ATG4B: variants seen among roughly 807,000 people sequenced by gnomAD.
ATG4B encodes the protein autophagy related 4B cysteine peptidase.
A neutral mutation model predicts 56.6 loss-of-function variants in ATG4B; 29 were observed. That is an observed-to-expected ratio of 0.51 (90% CI 0.38 to 0.70). The LOEUF is 0.70. Among genes scored for constraint, ATG4B ranks in the 30% least tolerant of loss-of-function variants. The probability of loss-of-function intolerance (pLI) is 0.00; values close to 1 mark genes in which losing one functional copy is unlikely to be tolerated. For synonymous variants in ATG4B, 224 were observed against 206.1 expected (o/e 1.09, Z -0.74); for missense variants, 461 against 515.5 (o/e 0.89, Z 1.02).
chr2:241,668,571 C>A lies in ATG4B; in HGVS notation c.843C>A (p.Thr281=). 4 of 1,609,488 alleles carry A rather than the reference C, an allele frequency of 2.5e-6. No homozygotes were observed. The highest frequency in any genetic ancestry group is 1.3e-5 in the African/African-American group (1 of 74,942). ...AGCTCATCTACCTGGACCCCCACAC[C>A]ACGCAGCCAGCCGTGGAGCCCACTG... ...GEELIYLDPH[T]TQPAVEPTDG... is the part of the protein sequence containing the mutation. The change falls in exon 10 of 13, where the codon ACC becomes ACA. Residue 281 remains threonine (T), a synonymous_variant. Transcript: ENST00000404914. The surrounding 1 kb of genome is among the most constrained non-coding windows in gnomAD (Gnocchi z 4.2).
Position 241,651,749 on chromosome 2 carries a change from C to T in ATG4B, c.184+414C>T. The stretch of plus-strand genomic sequence containing the variant: ...TGTACAATGTGTTTCTTACTTAGGT[C>T]CAGAATGTTTGGAAGCCATTCTCTG... On this transcript the variant is annotated intron_variant, in intron 3 of 12. Transcript: ENST00000404914. This position sits in a 1 kb window ranked among gnomAD's most constrained non-coding sequence, Gnocchi z 4.1. 2.0e-6 allele frequency: 1 copy of T among 498,384 alleles called. No homozygotes were observed. The highest frequency in any genetic ancestry group is 3.5e-6 in the Non-Finnish European group (1 of 287,252). 30.9% of individuals were successfully genotyped at this position (498,384 alleles called of 1,614,324 possible).
intron 1 of ATG4B, among the ~76,000 whole-genome samples, chr2:241,646,852 A>G (rs1167942886): frequency 6.8e-6 from 1 of 146,928 alleles, no homozygotes; most frequent in Non-Finnish European, 1.5e-5. Context: ...GCGCGATCTC[A>G]GGTCACTGCA....
At chr2:241,645,720 C>G (rs1239141233) in intron 1 of ATG4B, among the ~76,000 whole-genome samples, 2 of 152,194 alleles carry the variant, frequency 1.3e-5, no homozygotes, top group East Asian at 1.9e-4. Flanking sequence ...GGACACTCCC[C>G]ACTTGCAGCG....
chr2:241,644,925 G>A (rs934860261), intron 1 of ATG4B, among the ~76,000 whole-genome samples: 46 of 151,360 alleles, frequency 3.0e-4, no homozygotes, highest in Non-Finnish European at 6.5e-4. Flanking sequence ...CTCCAGCCTG[G>A]GTGACGAGCA....
intron 1 of ATG4B, among the ~76,000 whole-genome samples, chr2:241,648,687 C>A (rs892046933): frequency 6.6e-6 from 1 of 152,002 alleles, no homozygotes; most frequent in Non-Finnish European, 1.5e-5. Context: ...CGCTCCACAA[C>A]GCCCGTCATC....
chr2:241,665,637 A>G (rs945954368), intron 7 of ATG4B, among the ~76,000 whole-genome samples: 3 of 152,138 alleles, frequency 2.0e-5, no homozygotes, highest in African/African-American at 4.8e-5. Context: ...CTGCTCTCCC[A>G]TCCGGGGCCT....
In ATG4B at chr2:241,651,239, T is replaced by G. The variant is rs186267736; in HGVS notation, c.113-25T>G. 2.4e-4 allele frequency: 381 copies of G among 1,583,106 alleles called. No individual in the cohort carries two copies. The Admixed American group carries it at 3.5e-3, about 15-fold the overall frequency. On this transcript the variant is annotated intron_variant, in intron 2 of 12. Transcript: ENST00000404914. The surrounding 1 kb of genome is among the most constrained non-coding windows in gnomAD (Gnocchi z 4.1). ...AACTTAAGGCGTTGTGTGTGTGTGT[T>G]TTTTTTCTTTTAAACAACCTCTAGA...
intron 6 of ATG4B, among the ~76,000 whole-genome samples, chr2:241,658,808 C>T (rs1434839934): frequency 6.6e-6 from 1 of 152,246 alleles, no homozygotes; most frequent in African/African-American, 2.4e-5. Flanking sequence ...TGTTCTAGTT[C>T]CTGCCTCTGT....
chr2:241,670,727 G>A lies in ATG4B; in HGVS notation c.959G>A (p.Gly320Glu), dbSNP rs773777010. Reference protein sequence around the residue: ...IAELDPSIAVGFFCKTEDDFN... With the variant: ...IAELDPSIAVEFFCKTEDDFN... ...CTGCTCATCGTCATTTCGTTTTAGG[G>A]GTTTTTCTGTAAGACTGAAGATGAC... is the stretch of plus-strand genomic sequence containing the variant. Residue 320 changes from glycine (G) to glutamate (E), a missense_variant and splice_region_variant, in exon 11 of 13, where the codon GGG becomes GAG. By Grantham distance (98) the Gly-to-Glu change is moderately conservative. Coordinates refer to ENST00000404914, the MANE Select transcript of ATG4B (RefSeq NM_013325.5). The A allele has an allele frequency of 1.2e-5, 19 of 1,610,004 alleles. No homozygotes were observed. The highest frequency in any genetic ancestry group is 2.5e-6 in the Non-Finnish European group (3 of 1,178,052).
intron 8 of ATG4B, chr2:241,667,663 A>G (rs2068822466): frequency 6.5e-6 from 1 of 153,074 alleles, no homozygotes; most frequent in Non-Finnish European, 1.4e-5. Context: ...AGGTAACTCA[A>G]ATTTTAGACC....
chr2:241,672,082 G>A (rs930612203), intron 12 of ATG4B, 109 bp from the exon 13 acceptor site: 10 of 1,499,596 alleles, frequency 6.7e-6, no homozygotes, highest in Non-Finnish European at 8.9e-6. Context: ...ACAGCTGTCT[G>A]TGGGCTGCAG....
In ATG4B at chr2:241,651,646, C is replaced by T. The variant is rs979133822; in HGVS notation, c.184+311C>T. 7.2e-5 allele frequency among the ~76,000 whole-genome samples: 11 copies of T among 152,210 alleles called. No individual in the cohort carries two copies. Among genetic ancestry groups the T allele is most frequent in the East Asian group, 1.9e-4 (1 of 5,200 alleles). On this transcript the variant is annotated intron_variant, in intron 3 of 12. Transcript: ENST00000404914. The surrounding 1 kb of genome is among the most constrained non-coding windows in gnomAD (Gnocchi z 4.1). ...AATGTCATAGAAAGCGGTGTGTGTC[C>T]GCCACGGGCACGCAGCATGGCGCTT...
chr2:241,637,729 G>C lies in ATG4B; in HGVS notation c.10+5G>C, dbSNP rs1282149272. Reference sequence around the variant, plus strand: ...GGACTGGGAAGATGGACGCAGGTGAGGAGTTGCCGGGGGTCGGTCTTTCCG... The same window carrying C: ...GGACTGGGAAGATGGACGCAGGTGACGAGTTGCCGGGGGTCGGTCTTTCCG... On this transcript the variant is annotated splice_donor_5th_base_variant and intron_variant, in intron 1 of 12. Transcript: ENST00000404914. The C allele has an allele frequency of 1.9e-6, 3 of 1,576,854 alleles. No individual in the cohort carries two copies. In the Admixed American group the frequency reaches 5.5e-5, roughly 29 times the overall value.
intron 5 of ATG4B, 88 bp downstream of exon 5, chr2:241,654,735 C>A: frequency 1.9e-6 from 2 of 1,066,646 alleles, no homozygotes; most frequent in South Asian, 1.4e-5. Flanking sequence ...TTTCTGGTGT[C>A]GTGGGATGTG....
chr2:241,649,019 C>T (rs2068149011), intron 1 of ATG4B, among the ~76,000 whole-genome samples: 3 of 152,190 alleles, frequency 2.0e-5, no homozygotes, highest in South Asian at 2.1e-4. Flanking sequence ...TTCATTGAAA[C>T]GTCACACCCA....
intron 7 of ATG4B, among the ~76,000 whole-genome samples, chr2:241,661,657 A>G (rs1305217923): frequency 6.6e-6 from 1 of 152,200 alleles, no homozygotes; most frequent in Non-Finnish European, 1.5e-5. Context: ...CTGCAGCGAA[A>G]GAGCTGCCTG....
chr2:241,642,723 T>C (rs1294680571), intron 1 of ATG4B, among the ~76,000 whole-genome samples: 1 of 151,230 alleles, frequency 6.6e-6, no homozygotes, highest in African/African-American at 2.4e-5. Flanking sequence ...TACTATATTA[T>C]TAAAATGCCA....
At chr2:241,647,639 A>AG (rs1297601086) in intron 1 of ATG4B, among the ~76,000 whole-genome samples, 1 of 147,190 alleles carries the variant, frequency 6.8e-6, no homozygotes, top group Non-Finnish European at 1.5e-5. Flanking sequence ...AAAAAAAAAA[A>AG]AAAAGAAAAG....
At chr2:241,641,543 CTG>C (rs1462800486) in intron 1 of ATG4B, among the ~76,000 whole-genome samples, 3 of 141,290 alleles carry the variant, frequency 2.1e-5, no homozygotes, top group African/African-American at 8.3e-5. Flanking sequence ...GAGCGAGACT[CTG>C]TCTCAAAAAA....
Sources: allele counts gnomAD v4.1 joint callset (sites outside exome capture counted in the v4.1 genomes callset), GRCh38; gene constraint gnomAD v4.1.1; non-coding constraint Gnocchi (gnomAD v3.1); transcripts MANE v1.5; gene names NCBI Gene and HGNC (gene_info 2026-07-23, HGNC 2026-07-21).